Variants in ASTN2 observed in about 807,000 individuals in gnomAD.
ASTN2 encodes astrotactin 2, also known as astrotactin-2.
In ASTN2, 54 loss-of-function variants were observed where a neutral mutation model predicts 139.8. The ratio of observed to expected loss-of-function variants is 0.39; its 90% confidence interval spans 0.31 to 0.48. ASTN2 has a LOEUF of 0.48. ASTN2 is among the 20% of genes least tolerant of loss of function. The pLI, the probability that ASTN2 is intolerant of heterozygous loss-of-function variation, is 0.95. For missense variants in ASTN2, 1,565 were observed against 1,725.1 expected (o/e 0.91, Z 1.64); for synonymous variants, 756 against 719.5 (o/e 1.05, Z -0.81).
chr9:116,785,361 C>G (rs1830342524), intron 13 of ASTN2, among the ~76,000 whole-genome samples: 1 of 152,120 alleles, frequency 6.6e-6, no homozygotes, highest in African/African-American at 2.4e-5. Flanking sequence ...ATGTACATTT[C>G]AAGTCATGTT....
intron 2 of ASTN2, among the ~76,000 whole-genome samples, chr9:117,270,165 A>G (rs371550710): frequency 6.6e-6 from 1 of 152,212 alleles, no homozygotes. Flanking sequence ...TTAAAAAAAT[A>G]CTTTTTATGG....
intron 1 of ASTN2, among the ~76,000 whole-genome samples, chr9:117,400,868 C>T (rs774482393): frequency 3.3e-5 from 5 of 152,204 alleles, no homozygotes; most frequent in African/African-American, 7.2e-5. Context: ...CCAAAACCCA[C>T]GATTCCTAGT....
At chr9:116,451,479 G>A (rs1422362776) in intron 20 of ASTN2, among the ~76,000 whole-genome samples, 1 of 151,876 alleles carries the variant, frequency 6.6e-6, no homozygotes, top group East Asian at 1.9e-4. Context: ...GGTTTTTGCT[G>A]TCATGGAGCT....
chr9:116,981,457 T>C (rs370741575), intron 7 of ASTN2, among the ~76,000 whole-genome samples: 37 of 152,290 alleles, frequency 2.4e-4, no homozygotes, highest in African/African-American at 7.2e-4. Context: ...AGAATTCTAT[T>C]TTACATCAGA....
At chr9:117,020,589 C>T (rs1450309095) in intron 6 of ASTN2, among the ~76,000 whole-genome samples, 1 of 152,060 alleles carries the variant, frequency 6.6e-6, no homozygotes, top group Non-Finnish European at 1.5e-5. Context: ...TGTCCTGAAG[C>T]CTGCTACACG....
intron 19 of ASTN2, among the ~76,000 whole-genome samples, chr9:116,517,171 C>G (rs1850685364): frequency 6.6e-6 from 1 of 152,214 alleles, no homozygotes. Flanking sequence ...CTGACACACT[C>G]TTGAAAGTGT....
chr9:117,058,957 C>T (rs903690633), intron 5 of ASTN2, among the ~76,000 whole-genome samples: 54 of 152,208 alleles, frequency 3.5e-4, no homozygotes, highest in Middle Eastern at 3.4e-3. Flanking sequence ...GCATGCAAAA[C>T]GTTGAAGGCC....
chr9:117,287,596 T>C (rs1410065275), intron 2 of ASTN2, among the ~76,000 whole-genome samples: 2 of 152,186 alleles, frequency 1.3e-5, no homozygotes, highest in Non-Finnish European at 2.9e-5. Context: ...TCTTAAGGTT[T>C]GTTGTGAGGA....
chr9:116,821,232 C>T (rs1000541030), intron 11 of ASTN2, among the ~76,000 whole-genome samples: 10 of 152,142 alleles, frequency 6.6e-5, no homozygotes, highest in Non-Finnish European at 1.2e-4. Context: ...AGTGTAATTT[C>T]CAGCTTTTCC....
At chr9:117,133,305 G>T (rs1161620189) in intron 4 of ASTN2, among the ~76,000 whole-genome samples, 1 of 152,144 alleles carries the variant, frequency 6.6e-6, no homozygotes, top group East Asian at 1.9e-4. Flanking sequence ...CCTGTGAGGT[G>T]ACTGATTGTA....
chr9:117,016,658 C>CATATATATAGGTT (rs1564386091), intron 6 of ASTN2, among the ~76,000 whole-genome samples: 637 of 10,596 alleles, frequency 0.06, 103 homozygotes, highest in African/African-American at 0.12. Context: ...ATATATATAA[C>CATATATATAGGTT]CTATATATAT....
intron 14 of ASTN2, among the ~76,000 whole-genome samples, chr9:116,732,407 C>G (rs1166526270): frequency 6.6e-6 from 1 of 152,168 alleles, no homozygotes; most frequent in Non-Finnish European, 1.5e-5. Flanking sequence ...TGAGGTTTCC[C>G]AGAGCTTGCA....
At chr9:116,469,495 GC>G (rs2119003125) in intron 20 of ASTN2, among the ~76,000 whole-genome samples, 1 of 152,264 alleles carries the variant, frequency 6.6e-6, no homozygotes, top group South Asian at 2.1e-4. Context: ...ATATAGTTCA[GC>G]GGGTCAGAGC....
chr9:117,248,184 C>G (rs572084496), intron 2 of ASTN2, among the ~76,000 whole-genome samples: 1 of 152,256 alleles, frequency 6.6e-6, no homozygotes, highest in Admixed American at 6.5e-5. Context: ...AGGAAGGGTA[C>G]CTTGTCTACA....
At chr9:117,385,848 T>C (rs997646509) in intron 1 of ASTN2, among the ~76,000 whole-genome samples, 1 of 152,142 alleles carries the variant, frequency 6.6e-6, no homozygotes, top group Non-Finnish European at 1.5e-5. Context: ...TAAAAAATTC[T>C]CTGCACCTAG....
At chr9:116,805,866 C>G in intron 12 of ASTN2, 46 bp from the exon 13 acceptor site, 1 of 1,586,864 alleles carries the variant, frequency 6.3e-7, no homozygotes, top group Non-Finnish European at 8.6e-7. Context: ...ATCCTGAATG[C>G]CCCCATTGGG....
At chr9:117,153,219 A>G (rs767003823) in intron 3 of ASTN2, among the ~76,000 whole-genome samples, 2 of 151,742 alleles carry the variant, frequency 1.3e-5, no homozygotes, top group Non-Finnish European at 2.9e-5. Context: ...GGCTTGTCGC[A>G]GCTAGTGTGC....
intron 16 of ASTN2, chr9:116,686,793 G>C: frequency 6.4e-7 from 1 of 1,550,662 alleles, no homozygotes; most frequent in Non-Finnish European, 8.7e-7. Context: ...CCTTTACAGA[G>C]CAATGTGTTC....
At chr9:116,850,379 T>C (rs1054962892) in intron 11 of ASTN2, among the ~76,000 whole-genome samples, 4 of 152,204 alleles carry the variant, frequency 2.6e-5, no homozygotes, top group African/African-American at 9.6e-5. Flanking sequence ...CATTGCCCAA[T>C]GTCATCAACT....
Sources: allele counts gnomAD v4.1 joint callset (sites outside exome capture counted in the v4.1 genomes callset), GRCh38; gene constraint gnomAD v4.1.1; transcripts MANE v1.5; gene names NCBI Gene and HGNC (gene_info 2026-07-23, HGNC 2026-07-21).